Variants in MARCHF1 observed in about 807,000 individuals in gnomAD.
MARCHF1 encodes E3 ubiquitin-protein ligase MARCHF1.
In MARCHF1, 40 loss-of-function variants were observed where a neutral mutation model predicts 54.2. The observed-to-expected ratio is 0.74, with a 90% CI of 0.57 to 0.96. The LOEUF is 0.96. Among genes scored for constraint, MARCHF1 ranks in the 40% least tolerant of loss-of-function variants. MARCHF1 has a pLI of 0.00. For missense variants in MARCHF1, 586 were observed against 656.5 expected, an observed-to-expected ratio of 0.89 and a Z score of 1.17; for synonymous variants, 236 against 236.3, an observed-to-expected ratio of 1.00 and a Z score of 0.01.
intron 1 of MARCHF1, among the ~76,000 whole-genome samples, chr4:164,241,012 T>G (rs2111207588): frequency 6.6e-6 from 1 of 152,278 alleles, no homozygotes; most frequent in Non-Finnish European, 1.5e-5. Context: ...TTTTCCCAAT[T>G]ACTCCTATAG....
At chr4:163,810,842 T>A (rs1748364166) in intron 4 of MARCHF1, among the ~76,000 whole-genome samples, 1 of 152,194 alleles carries the variant, frequency 6.6e-6, no homozygotes, top group Non-Finnish European at 1.5e-5. Context: ...GTTGAAGCCA[T>A]TCCCTTCCAT....
At chr4:164,161,545 T>TCAG (rs36007870) in intron 1 of MARCHF1, among the ~76,000 whole-genome samples, 4,664 of 150,856 alleles carry the variant, frequency 0.031, 128 homozygotes, top group East Asian at 0.094. Context: ...ATCATCATCA[T>TCAG]CAGCAGCAGC....
chr4:164,108,927 T>G (rs1164912387), intron 2 of MARCHF1, among the ~76,000 whole-genome samples: 2 of 152,070 alleles, frequency 1.3e-5, no homozygotes, highest in African/African-American at 2.4e-5. Context: ...TTTGTTTAAA[T>G]CTATTATAAC....
At chr4:163,746,529 G>A (rs574948738) in intron 4 of MARCHF1, among the ~76,000 whole-genome samples, 77 of 152,150 alleles carry the variant, frequency 5.1e-4, no homozygotes, top group African/African-American at 1.8e-3. Context: ...AAATACCAAC[G>A]AATGGATTTC....
intron 1 of MARCHF1, among the ~76,000 whole-genome samples, chr4:164,171,753 A>T (rs74607027): frequency 0.017 from 2,648 of 152,274 alleles, 65 homozygotes; most frequent in African/African-American, 0.059. Flanking sequence ...GCCTCATCTC[A>T]TTGGAAACTG....
intron 1 of MARCHF1, among the ~76,000 whole-genome samples, chr4:164,249,517 A>G (rs901243169): frequency 2.0e-5 from 3 of 152,040 alleles, no homozygotes; most frequent in Admixed American, 6.6e-5. Flanking sequence ...TAGATACCCC[A>G]TTACTAACTG....
intron 5 of MARCHF1, among the ~76,000 whole-genome samples, chr4:163,632,935 G>A (rs562066836): frequency 6.6e-6 from 1 of 152,182 alleles, no homozygotes; most frequent in African/African-American, 2.4e-5. Context: ...GTGGGTACCT[G>A]ACCCCTGACC....
chr4:163,598,341 C>G (rs1740839403), intron 7 of MARCHF1, among the ~76,000 whole-genome samples: 1 of 152,164 alleles, frequency 6.6e-6, no homozygotes, highest in South Asian at 2.1e-4. Context: ...GACCTTTATC[C>G]TTCTTGGTCA....
chr4:164,013,516 T>C (rs1016864312), intron 2 of MARCHF1, among the ~76,000 whole-genome samples: 1 of 152,076 alleles, frequency 6.6e-6, no homozygotes, highest in African/African-American at 2.4e-5. Flanking sequence ...TTGGGAAAGA[T>C]ATGAGTAGCC....
intron 1 of MARCHF1, among the ~76,000 whole-genome samples, chr4:164,377,598 C>CACACACACACAA (rs1191611046): frequency 1.1e-4 from 16 of 151,788 alleles, no homozygotes; most frequent in Non-Finnish European, 2.4e-4. Flanking sequence ...TATGCACACA[C>CACACACACACAA]ACACACACAC....
chr4:163,697,159 G>C (rs1744660914), intron 5 of MARCHF1, among the ~76,000 whole-genome samples: 1 of 152,110 alleles, frequency 6.6e-6, no homozygotes, highest in African/African-American at 2.4e-5. Context: ...GCCACCAGGG[G>C]AGCTCGTAAG....
At chr4:164,363,766 C>CGTGTGTGTGTGTGTGTGTGTGTGTGT (rs113007142) in intron 1 of MARCHF1, among the ~76,000 whole-genome samples, 2 of 150,100 alleles carry the variant, frequency 1.3e-5, no homozygotes, top group South Asian at 4.2e-4. Flanking sequence ...ATTAATAAGC[C>CGTGTGTGTGTGTGTGTGTGTGTGTGT]GTGTGTGTGT....
intron 4 of MARCHF1, among the ~76,000 whole-genome samples, chr4:163,832,395 C>A (rs1185730196): frequency 6.6e-6 from 1 of 152,132 alleles, no homozygotes; most frequent in East Asian, 1.9e-4. Flanking sequence ...GTAATAATAT[C>A]TATCCTCCAC....
intron 1 of MARCHF1, among the ~76,000 whole-genome samples, chr4:164,227,737 T>C (rs987878875): frequency 2.0e-5 from 3 of 152,134 alleles, no homozygotes; most frequent in Non-Finnish European, 4.4e-5. Context: ...AAAAACTATA[T>C]GTTTACACTC....
At chr4:163,893,771 A>G (rs1381322643) in intron 3 of MARCHF1, among the ~76,000 whole-genome samples, 1 of 152,198 alleles carries the variant, frequency 6.6e-6, no homozygotes, top group Non-Finnish European at 1.5e-5. Context: ...TTTAAAGTAA[A>G]GATGAAGAGA....
intron 2 of MARCHF1, chr4:163,989,022 C>T (rs1199662600): frequency 6.6e-6 from 1 of 152,174 alleles, no homozygotes; most frequent in Non-Finnish European, 1.5e-5. Context: ...TTTAATGGCA[C>T]AGACTCCCAC....
chr4:164,242,647 T>C (rs894412509), intron 1 of MARCHF1, among the ~76,000 whole-genome samples: 1 of 151,350 alleles, frequency 6.6e-6, no homozygotes, highest in Non-Finnish European at 1.5e-5. Flanking sequence ...TGATGAGCTG[T>C]GAGAAGAAGG....
At chr4:163,857,693 C>T (rs1256285806) in intron 3 of MARCHF1, among the ~76,000 whole-genome samples, 2 of 152,138 alleles carry the variant, frequency 1.3e-5, no homozygotes, top group Non-Finnish European at 2.9e-5. Flanking sequence ...ACTACATTGA[C>T]AACAAATTAA....
chr4:164,199,671 C>CAGAG (rs1358492298), intron 1 of MARCHF1, among the ~76,000 whole-genome samples: 591 of 56,416 alleles, frequency 0.01, no homozygotes, highest in Non-Finnish European at 0.014. Flanking sequence ...CACACACACA[C>CAGAG]ACACACACAC....
Sources: allele counts gnomAD v4.1 joint callset (sites outside exome capture counted in the v4.1 genomes callset), GRCh38; gene constraint gnomAD v4.1.1; transcripts MANE v1.5; gene names NCBI Gene and HGNC (gene_info 2026-07-23, HGNC 2026-07-21).